Variants in PTPRM observed in about 807,000 individuals in gnomAD.
The protein encoded by PTPRM is protein tyrosine phosphatase receptor type M.
Under a neutral mutation model 186.7 loss-of-function variants are expected in PTPRM, and 47 were observed. The observed-to-expected ratio is 0.25, with a 90% CI of 0.20 to 0.32. The LOEUF (loss-of-function observed/expected upper bound fraction) is 0.32, where lower values mean the gene tolerates loss of function less well. Ranked by LOEUF, PTPRM falls within the 10% of genes least tolerant of loss-of-function variation. The pLI is 1.00. For missense variants in PTPRM, 1,494 were observed against 1,865.0 expected (o/e 0.80, Z 3.66); for synonymous variants, 668 against 674.9 (o/e 0.99, Z 0.16).
chr18:7,802,658 A>G (rs1361566084), intron 2 of PTPRM, among the ~76,000 whole-genome samples: 1 of 152,232 alleles, frequency 6.6e-6, no homozygotes, highest in East Asian at 1.9e-4. Context: ...AAATCTGAAC[A>G]AGCGATTATG....
rs2095007847 is a variant in PTPRM, at chr18:8,289,539, TATA to T, written c.2755-6828_2755-6826del. ...GTATATATATACATATATATACACA[TATA>T]TATATATACATATATATACACATAT... On this transcript the variant is annotated intron_variant, in intron 19 of 32. Transcript: ENST00000580170. 3.5e-5 allele frequency among the ~76,000 whole-genome samples: 2 copies of T among 56,870 alleles called. 1 individual carries two copies. The highest frequency in any genetic ancestry group is 2.4e-4 in the African/African-American group (2 of 8,324). 37.3% of individuals were successfully genotyped at this position (56,870 alleles called of 152,430 possible).
rs1555633913 is a variant in PTPRM, at chr18:7,889,333, C to CTTTCT, written c.468+959_468+960insCTTTT. 2.0e-3 allele frequency among the ~76,000 whole-genome samples: 243 copies of CTTTCT among 119,830 alleles called. 2 individuals carry two copies. The highest frequency in any genetic ancestry group is 6.0e-3 in the African/African-American group (183 of 30,730). 78.6% of individuals were successfully genotyped at this position (119,830 alleles called of 152,430 possible). A position where few individuals can be genotyped will look rare whatever the true frequency, so the allele number is the denominator to read the frequency against. ...TTTGCAAATATATTTTCTTTTCTTT[C>CTTTCT]TTTTTTTTTTTTTTTTTTTTTGAGA... On this transcript the variant is annotated intron_variant, in intron 3 of 32. Transcript: ENST00000580170.
At chr18:7,771,606 T>C (rs1013595307) in intron 1 of PTPRM, among the ~76,000 whole-genome samples, 2 of 152,252 alleles carry the variant, frequency 1.3e-5, no homozygotes, top group East Asian at 3.8e-4. Context: ...TTGAAACAAG[T>C]AATTGTTAAA....
chr18:7,858,592 C>A (rs2047200344), intron 2 of PTPRM, among the ~76,000 whole-genome samples: 1 of 152,062 alleles, frequency 6.6e-6, no homozygotes, highest in African/African-American at 2.4e-5. Context: ...CAGAGGGAAA[C>A]TTCTAGTTTT....
intron 2 of PTPRM, among the ~76,000 whole-genome samples, chr18:7,886,205 T>C (rs1599288165): frequency 2.0e-5 from 3 of 152,184 alleles, no homozygotes; most frequent in East Asian, 3.9e-4. Flanking sequence ...TCTATTTCAC[T>C]AAGAGCAGGA....
intron 13 of PTPRM, among the ~76,000 whole-genome samples, chr18:8,134,310 G>T (rs547980259): frequency 2.0e-5 from 3 of 152,118 alleles, no homozygotes; most frequent in African/African-American, 7.2e-5. Flanking sequence ...TACAATATCC[G>T]TTCAGTAAAG....
At chr18:8,304,037 GATAATTGTGATTCCA>G (rs550623105) in intron 20 of PTPRM, among the ~76,000 whole-genome samples, 81 of 152,272 alleles carry the variant, frequency 5.3e-4, no homozygotes, top group Non-Finnish European at 9.7e-4. Flanking sequence ...ATATTACCTT[GATAATTGTGATTCCA>G]ATTTACCTTA....
intron 2 of PTPRM, among the ~76,000 whole-genome samples, chr18:7,820,350 C>T (rs1364151693): frequency 6.6e-6 from 1 of 152,120 alleles, no homozygotes; most frequent in Non-Finnish European, 1.5e-5. Context: ...GTTCAAGCTG[C>T]CCTAGCTCAT....
chr18:7,679,262 C>T (rs2039423150), intron 1 of PTPRM, among the ~76,000 whole-genome samples: 2 of 152,190 alleles, frequency 1.3e-5, no homozygotes, highest in African/African-American at 2.4e-5. Context: ...TAACTGAACA[C>T]ATCTTCCTGT....
intron 1 of PTPRM, among the ~76,000 whole-genome samples, chr18:7,650,343 A>T (rs565874180): frequency 2.0e-5 from 3 of 151,318 alleles, no homozygotes; most frequent in African/African-American, 4.9e-5. Context: ...ATAATTTACT[A>T]TGTCTGAAGC....
chr18:7,804,426 T>C (rs754809201), intron 2 of PTPRM, among the ~76,000 whole-genome samples: 7 of 152,238 alleles, frequency 4.6e-5, no homozygotes, highest in Admixed American at 4.6e-4. Context: ...AGCTTGCTTC[T>C]GTAAATAGCA....
intron 14 of PTPRM, among the ~76,000 whole-genome samples, chr18:8,209,740 G>A (rs1459049912): frequency 2.6e-5 from 4 of 151,950 alleles, no homozygotes; most frequent in Middle Eastern, 3.4e-3. Context: ...ACCAGACACC[G>A]CAGGTTCTCA....
Position 7,911,904 on chromosome 18 carries a change from G to A in PTPRM, c.547+5321G>A, listed in dbSNP as rs8099261. On this transcript the variant is annotated intron_variant, in intron 4 of 32. Transcript: ENST00000580170. Reference sequence around the variant, plus strand: ...GTCTCTCTTTCTCACCCAGGCTGGAGTGCAGTGCTGTGATCTCGGCTCACT... The same window carrying A: ...GTCTCTCTTTCTCACCCAGGCTGGAATGCAGTGCTGTGATCTCGGCTCACT... Among the ~76,000 whole-genome samples, 1,271 of 133,600 alleles carry A rather than the reference G, an allele frequency of 9.5e-3. 22 individuals are homozygous for A. Among genetic ancestry groups the A allele is most frequent in the African/African-American group, 0.035 (1,187 of 33,864 alleles). The allele number at this position is 133,600 out of a possible 152,430, so 87.6% of individuals were successfully genotyped here. A position where few individuals can be genotyped will look rare whatever the true frequency, so the allele number is the denominator to read the frequency against.
intron 2 of PTPRM, among the ~76,000 whole-genome samples, chr18:7,802,628 A>G (rs1445807506): frequency 6.6e-6 from 1 of 152,204 alleles, no homozygotes; most frequent in Non-Finnish European, 1.5e-5. Flanking sequence ...CTGTATTGCA[A>G]TTTGGAAAGA....
intron 14 of PTPRM, among the ~76,000 whole-genome samples, chr18:8,153,649 C>T (rs900147737): frequency 6.6e-6 from 1 of 152,152 alleles, no homozygotes; most frequent in Non-Finnish European, 1.5e-5. Flanking sequence ...TATCATATTC[C>T]ATAGAAATTC....
intron 1 of PTPRM, among the ~76,000 whole-genome samples, chr18:7,693,605 G>A (rs558982479): frequency 5.9e-5 from 9 of 152,144 alleles, no homozygotes; most frequent in Non-Finnish European, 1.3e-4. Flanking sequence ...GCTGTGTGGC[G>A]TGTATACAAG....
rs1196786235 is a variant in PTPRM at position 8,370,964 on chromosome 18, A to G, written c.3129A>G (p.Glu1043=). The G allele has an allele frequency of 4.4e-6, 7 of 1,605,484 alleles. No individual in the cohort carries two copies. The highest frequency in any genetic ancestry group is 6.0e-6 in the Non-Finnish European group (7 of 1,173,156). The change falls in exon 24 of 33, where the codon GAA becomes GAG. Residue 1043 remains glutamate (E), a synonymous_variant. Transcript: ENST00000580170. ...KDIKVTLIET[E]LLAEYVIRTF... ...TTAAAGTTACCCTAATAGAAACAGAACTACTGGCAGAATATGTGATAAGAA... is the reference window on the plus strand; with the variant it reads ...TTAAAGTTACCCTAATAGAAACAGAGCTACTGGCAGAATATGTGATAAGAA...
At chr18:8,080,278 A>T (rs1214109522) in intron 9 of PTPRM, among the ~76,000 whole-genome samples, 2 of 152,218 alleles carry the variant, frequency 1.3e-5, no homozygotes, top group African/African-American at 4.8e-5. Flanking sequence ...TATTTGCCCA[A>T]GTATTTTCAT....
chr18:8,332,603 T>C (rs1226600943), intron 22 of PTPRM, among the ~76,000 whole-genome samples: 1 of 152,138 alleles, frequency 6.6e-6, no homozygotes, highest in African/African-American at 2.4e-5. Context: ...AAAAGGCTAA[T>C]CGTGGATACA....
Sources: gnomAD v4.1 joint callset for allele counts (sites outside exome capture counted in the v4.1 genomes callset) on GRCh38, gnomAD v4.1.1 for gene constraint, MANE v1.5 for transcripts, NCBI Gene and HGNC (gene_info 2026-07-23, HGNC 2026-07-21) for gene names.